The following CAPRIN2 variants were observed in gnomAD, a reference collection of about 807,000 sequenced individuals.
The protein encoded by CAPRIN2 is caprin-2.
Under a neutral mutation model 130.4 loss-of-function variants are expected in CAPRIN2, and 66 were observed. That is an observed-to-expected ratio of 0.51 (90% CI 0.42 to 0.62). The LOEUF (loss-of-function observed/expected upper bound fraction) is 0.62. CAPRIN2 is among the 20% of genes least tolerant of loss of function. The pLI, the probability that CAPRIN2 is intolerant of heterozygous loss-of-function variation, is 0.00. For missense variants in CAPRIN2, 1,185 were observed against 1,246.6 expected, an observed-to-expected ratio of 0.95 and a Z score of 0.74; for synonymous variants, 471 against 444.1, an observed-to-expected ratio of 1.06 and a Z score of -0.76.
intron 12 of CAPRIN2, among the ~76,000 whole-genome samples, chr12:30,718,455 C>T (rs2058362841): frequency 6.6e-6 from 1 of 152,160 alleles, no homozygotes; most frequent in Non-Finnish European, 1.5e-5. Context: ...AGGAAGGGTA[C>T]TTATTGGCTC....
At chr12:30,733,643 A>G in exon 5 of CAPRIN2, 1 of 1,612,072 alleles carries the variant, frequency 6.2e-7, no homozygotes, top group Non-Finnish European at 8.5e-7. Context: ...CGTTCCTACC[A>G]CTGCTTTCTC....
At chr12:30,722,162 A>G (rs1421872586) in intron 11 of CAPRIN2, among the ~76,000 whole-genome samples, 1 of 152,232 alleles carries the variant, frequency 6.6e-6, no homozygotes, top group African/African-American at 2.4e-5. Flanking sequence ...AGACATTTAC[A>G]TTAGTATTTA....
intron 2 of CAPRIN2, among the ~76,000 whole-genome samples, chr12:30,746,539 A>T (rs2070514792): frequency 6.6e-6 from 1 of 152,190 alleles, no homozygotes; most frequent in Non-Finnish European, 1.5e-5. Context: ...CTGATGAGAG[A>T]TGGTGATAGT....
intron 12 of CAPRIN2, among the ~76,000 whole-genome samples, chr12:30,717,297 A>T (rs1264141099): frequency 6.6e-6 from 1 of 152,254 alleles, no homozygotes; most frequent in Non-Finnish European, 1.5e-5. Context: ...GAACTTTGAA[A>T]ACATTATGCA....
chr12:30,718,499 T>C (rs910409488), intron 12 of CAPRIN2, among the ~76,000 whole-genome samples: 16 of 152,230 alleles, frequency 1.1e-4, no homozygotes, highest in Non-Finnish European at 1.8e-4. Flanking sequence ...AGAACTGTTT[T>C]ATACTAGTCT....
intron 4 of CAPRIN2, 142 bp from the exon 6 acceptor site, chr12:30,733,853 A>G (rs2063550318): frequency 1.6e-6 from 1 of 630,778 alleles, no homozygotes; most frequent in East Asian, 2.7e-5. Context: ...AAATAAAAAA[A>G]TTGAAATGTA....
At chr12:30,720,642 A>C in intron 12 of CAPRIN2, 169 bp downstream of exon 13, 1 of 537,454 alleles carries the variant, frequency 1.9e-6, no homozygotes, top group East Asian at 3.1e-5. Flanking sequence ...TGGCAAAGCT[A>C]CAATAAAGTT....
intron 4 of CAPRIN2, 162 bp downstream of exon 5, chr12:30,734,806 T>C (rs571447106): frequency 3.3e-6 from 2 of 614,310 alleles, no homozygotes; most frequent in East Asian, 5.5e-5. Flanking sequence ...GTTTCCATAT[T>C]GAATCAAATT....
chr12:30,711,893 C>G (rs1005651756), intron 15 of CAPRIN2: 50 of 591,332 alleles, frequency 8.5e-5, no homozygotes, highest in Non-Finnish European at 1.2e-4. Flanking sequence ...TTGGAGAATA[C>G]TATGTAAAAG....
intron 4 of CAPRIN2, 135 bp from the exon 6 acceptor site, chr12:30,733,846 T>TA (rs1388303233): frequency 2.0e-5 from 13 of 650,110 alleles, no homozygotes; most frequent in South Asian, 1.1e-4. Flanking sequence ...TCTTTGGAAA[T>TA]AAAAAAATTG....
chr12:30,724,955 C>G (rs1221284847), intron 9 of CAPRIN2, among the ~76,000 whole-genome samples: 1 of 152,178 alleles, frequency 6.6e-6, no homozygotes, highest in African/African-American at 2.4e-5. Flanking sequence ...GACCACACCA[C>G]TGCACCCTAG....
intron 16 of CAPRIN2, among the ~76,000 whole-genome samples, chr12:30,711,139 T>A (rs1488724171): frequency 6.6e-6 from 1 of 152,202 alleles, no homozygotes; most frequent in Admixed American, 6.5e-5. Flanking sequence ...CTTCACATTT[T>A]AAAAAGTGTT....
chr12:30,746,797 C>T (rs2070708144), intron 2 of CAPRIN2, among the ~76,000 whole-genome samples: 1 of 152,208 alleles, frequency 6.6e-6, no homozygotes, highest in African/African-American at 2.4e-5. Flanking sequence ...TCATCTCCAT[C>T]ACATAAAAGT....
chr12:30,727,061 A>G (rs1399589964), intron 8 of CAPRIN2, among the ~76,000 whole-genome samples: 1 of 152,168 alleles, frequency 6.6e-6, no homozygotes, highest in Non-Finnish European at 1.5e-5. Context: ...AATATGTAAC[A>G]CTGATTTTAA....
At chr12:30,714,973 G>C in exon 14 of CAPRIN2, 1 of 1,613,528 alleles carries the variant, frequency 6.2e-7, no homozygotes, top group Non-Finnish European at 8.5e-7. Flanking sequence ...ATAACCACCA[G>C]GGGACCGATA....
At chr12:30,739,895 C>T (rs1257888623) in intron 3 of CAPRIN2, among the ~76,000 whole-genome samples, 1 of 152,036 alleles carries the variant, frequency 6.6e-6, no homozygotes, top group Non-Finnish European at 1.5e-5. Flanking sequence ...AAAAGAATAC[C>T]ATATATTAGA....
intron 15 of CAPRIN2, among the ~76,000 whole-genome samples, chr12:30,712,323 GC>G (rs2055194771): frequency 1.3e-5 from 2 of 152,094 alleles, no homozygotes; most frequent in South Asian, 4.2e-4. Flanking sequence ...ACTCCCAGTT[GC>G]CCCTTTGCAA....
chr12:30,750,701 C>G (rs2073313844), intron 2 of CAPRIN2, among the ~76,000 whole-genome samples: 2 of 152,114 alleles, frequency 1.3e-5, no homozygotes, highest in Non-Finnish European at 2.9e-5. Flanking sequence ...CATTCTGGAG[C>G]AGAAAGATGT....
rs2057736728 is a variant in CAPRIN2, at chr12:30,716,843, CTCA to C, written c.2149-170_2149-168del. 4.6e-5 allele frequency among the ~76,000 whole-genome samples: 7 copies of C among 152,224 alleles called. No homozygotes were observed. In the South Asian group the frequency reaches 1.5e-3, roughly 32 times the overall value. ...TGGCAAATAAGCACATGAAAACATG[CTCA>C]TCATCATTAGTCATTAGGGAAATGT... On this transcript the variant is annotated intron_variant, in intron 12 of 16. Transcript: ENST00000298892.
Sources: gnomAD v4.1 joint callset for allele counts (sites outside exome capture counted in the v4.1 genomes callset) on GRCh38, gnomAD v4.1.1 for gene constraint, MANE v1.5 for transcripts, NCBI Gene and HGNC (gene_info 2026-07-23, HGNC 2026-07-21) for gene names.